The following SUMF1 variants were observed in gnomAD, a reference collection of about 807,000 sequenced individuals.
The protein encoded by SUMF1 is formylglycine-generating enzyme.
Under a neutral mutation model 47.6 loss-of-function variants are expected in SUMF1, and 48 were observed. That is an observed-to-expected ratio of 1.01 (90% CI 0.80 to 1.28). The LOEUF is 1.28. Among genes scored for constraint, SUMF1 ranks in the 50% most tolerant of loss-of-function variants. SUMF1 has a pLI of 0.00. For missense variants in SUMF1, 571 were observed against 485.4 expected (o/e 1.18, Z -1.66); for synonymous variants, 230 against 192.1 (o/e 1.20, Z -1.63).
At chr3:4,086,485 T>G (rs1692674589) in intron 8 of SUMF1, among the ~76,000 whole-genome samples, 1 of 152,096 alleles carries the variant, frequency 6.6e-6, no homozygotes, top group Non-Finnish European at 1.5e-5. Context: ...ATGCCCGATC[T>G]GTCATGAAAT....
At chr3:4,141,533 C>A (rs1694070757) in intron 8 of SUMF1, among the ~76,000 whole-genome samples, 1 of 152,032 alleles carries the variant, frequency 6.6e-6, no homozygotes, top group Non-Finnish European at 1.5e-5. Flanking sequence ...TCAAGCGGCT[C>A]ACATCTTTAA....
chr3:4,265,028 G>T (rs1575034484), intron 8 of SUMF1, among the ~76,000 whole-genome samples: 1 of 151,832 alleles, frequency 6.6e-6, no homozygotes, highest in East Asian at 1.9e-4. Flanking sequence ...AGCTGCTCAG[G>T]AGGCTGAGTG....
intron 8 of SUMF1, among the ~76,000 whole-genome samples, chr3:4,170,739 T>C (rs1368887490): frequency 6.6e-6 from 1 of 152,118 alleles, no homozygotes; most frequent in African/African-American, 2.4e-5. Flanking sequence ...AAAAGAATTG[T>C]CTTTTCAACA....
At chr3:4,254,333 C>G (rs1167703907) in intron 8 of SUMF1, among the ~76,000 whole-genome samples, 1 of 151,126 alleles carries the variant, frequency 6.6e-6, no homozygotes, top group African/African-American at 2.4e-5. Context: ...GGAGGACATT[C>G]AAACCAAAGG....
At position 4,146,206 on chromosome 3, in the gene SUMF1, T is replaced by C. The variant is rs1694189979; in HGVS notation, c.1015-77461A>G. On this transcript the variant is annotated intron_variant and NMD_transcript_variant, in intron 8 of 12. Transcript: ENST00000448413. ...AAAGAAAACCTGGGGAAAAGAGGGGTGGATGAAAGAGGAAAGGAAACAAGG... is the reference window on the plus strand; with the variant it reads ...AAAGAAAACCTGGGGAAAAGAGGGGCGGATGAAAGAGGAAAGGAAACAAGG... 2.0e-5 allele frequency among the ~76,000 whole-genome samples: 3 copies of C among 150,502 alleles called. 1 individual carries two copies. Among genetic ancestry groups the C allele is most frequent in the South Asian group, 4.3e-4 (2 of 4,704 alleles).
chr3:4,337,766 T>C (rs2125136165), intron 8 of SUMF1, among the ~76,000 whole-genome samples: 1 of 152,382 alleles, frequency 6.6e-6, no homozygotes, highest in South Asian at 2.1e-4. Flanking sequence ...AAAATTTTCA[T>C]CTGCCCTCAA....
At chr3:4,183,351 T>A (rs1695135650) in intron 8 of SUMF1, among the ~76,000 whole-genome samples, 1 of 152,140 alleles carries the variant, frequency 6.6e-6, no homozygotes, top group Admixed American at 6.6e-5. Flanking sequence ...TGTGAAGCTG[T>A]GAATGATGCC....
chr3:4,222,365 C>T (rs111626700), intron 8 of SUMF1, among the ~76,000 whole-genome samples: 2,073 of 152,148 alleles, frequency 0.014, 56 homozygotes, highest in African/African-American at 0.048. Context: ...TAACACCAAG[C>T]ACAAGATACG....
At chr3:4,374,881 G>C (rs1204441248) in intron 8 of SUMF1, among the ~76,000 whole-genome samples, 1 of 152,064 alleles carries the variant, frequency 6.6e-6, no homozygotes, top group Non-Finnish European at 1.5e-5. Flanking sequence ...AGGATTTTAG[G>C]CCGGGCACAG....
chr3:4,165,427 T>C (rs909989014), intron 8 of SUMF1, among the ~76,000 whole-genome samples: 2 of 151,960 alleles, frequency 1.3e-5, no homozygotes, highest in Non-Finnish European at 2.9e-5. Context: ...CTTATTTCCT[T>C]CTGGGTGGGG....
At chr3:4,300,153 G>A (rs1334535903) in intron 8 of SUMF1, among the ~76,000 whole-genome samples, 1 of 152,158 alleles carries the variant, frequency 6.6e-6, no homozygotes, top group African/African-American at 2.4e-5. Context: ...TCACAACAGT[G>A]AGTTAATTCT....
At position 4,238,004 on chromosome 3, in the gene SUMF1, C is replaced by T. The variant is rs571291230; in HGVS notation, c.1014+138326G>A. On this transcript the variant is annotated intron_variant and NMD_transcript_variant, in intron 8 of 12. Coordinates refer to the SUMF1 transcript ENST00000448413. Reference sequence around the variant, plus strand: ...TTCCATGTGTTCTCATTGTTCAACTCCCACTTATGAGTGAGAACATGTGGT... The same window carrying T: ...TTCCATGTGTTCTCATTGTTCAACTTCCACTTATGAGTGAGAACATGTGGT... Among the ~76,000 whole-genome samples, 151 of 151,982 alleles carry T rather than the reference C, an allele frequency of 9.9e-4. 2 individuals are homozygous for T. Among genetic ancestry groups the T allele is most frequent in the Admixed American group, 6.6e-3 (101 of 15,254 alleles).
intron 1 of SUMF1, among the ~76,000 whole-genome samples, chr3:4,466,279 T>A (rs1324727929): frequency 6.6e-6 from 1 of 151,866 alleles, no homozygotes; most frequent in Admixed American, 6.6e-5. Flanking sequence ...GCCCGGCTAA[T>A]TTTTGTATTT....
intron 8 of SUMF1, among the ~76,000 whole-genome samples, chr3:4,223,660 T>C (rs1696114384): frequency 6.6e-6 from 1 of 152,116 alleles, no homozygotes; most frequent in African/African-American, 2.4e-5. Context: ...TTTTCTTCTA[T>C]ACTCAACTCA....
chr3:4,174,108 G>A (rs1012963636), intron 8 of SUMF1, among the ~76,000 whole-genome samples: 2 of 152,088 alleles, frequency 1.3e-5, no homozygotes, highest in African/African-American at 4.8e-5. Flanking sequence ...TGTAATCCCA[G>A]CACTTCAGGA....
intron 8 of SUMF1, among the ~76,000 whole-genome samples, chr3:4,328,501 T>C (rs963561583): frequency 6.6e-6 from 1 of 152,170 alleles, no homozygotes; most frequent in African/African-American, 2.4e-5. Flanking sequence ...TCTTACATGG[T>C]GGCAGGCAAG....
At chr3:4,174,789 A>G (rs991123221) in intron 8 of SUMF1, among the ~76,000 whole-genome samples, 4 of 152,302 alleles carry the variant, frequency 2.6e-5, no homozygotes, top group Middle Eastern at 3.4e-3. Context: ...AGCCAAGGGA[A>G]GCCGTGACAG....
chr3:4,049,342 T>C (rs1207425938), intron 9 of SUMF1, among the ~76,000 whole-genome samples: 3 of 152,158 alleles, frequency 2.0e-5, no homozygotes, highest in South Asian at 2.1e-4. Flanking sequence ...TCACTGTCTA[T>C]GTCTACCTTC....
chr3:4,039,721 A>G (rs1694875723), intron 9 of SUMF1, among the ~76,000 whole-genome samples: 1 of 152,084 alleles, frequency 6.6e-6, no homozygotes. Flanking sequence ...GACTATAGTT[A>G]ATTATAATGT....
Sources: allele counts gnomAD v4.1 joint callset (sites outside exome capture counted in the v4.1 genomes callset), GRCh38; gene constraint gnomAD v4.1.1; transcripts MANE v1.5; gene names NCBI Gene and HGNC (gene_info 2026-07-23, HGNC 2026-07-21).